The following SLC17A2 variants were observed in gnomAD, a reference collection of about 807,000 sequenced individuals.
The protein encoded by SLC17A2 is solute carrier family 17 member 2.
SLC17A2 carries 38 observed loss-of-function variants against 52.1 expected under a neutral mutation model. That is an observed-to-expected ratio of 0.73 (90% confidence interval 0.56 to 0.96). The LOEUF (loss-of-function observed/expected upper bound fraction) is 0.96. Ranked by LOEUF, SLC17A2 falls within the 40% of genes least tolerant of loss-of-function variation. SLC17A2 has a pLI of 0.00. For synonymous variants in SLC17A2, 226 were observed against 211.9 expected (o/e 1.07, Z -0.58); for missense variants, 508 against 583.9 (o/e 0.87, Z 1.34).
At chr6:25,918,710 T>A in intron 5 of SLC17A2, 137 bp from the exon 6 acceptor site, 1 of 606,662 alleles carries the variant, frequency 1.6e-6, no homozygotes, top group South Asian at 2.0e-5. Flanking sequence ...CTAAAATAGC[T>A]CACAGATTTT....
At chr6:25,915,470 G>A in intron 10 of SLC17A2, 29 bp downstream of exon 10, 1 of 1,540,644 alleles carries the variant, frequency 6.5e-7, no homozygotes, top group South Asian at 1.2e-5. Flanking sequence ...GGGGTCTGGA[G>A]GAGGGGAAAA....
intron 3 of SLC17A2, among the ~76,000 whole-genome samples, chr6:25,921,673 GA>G (rs1766565628): frequency 6.6e-6 from 1 of 152,162 alleles, no homozygotes; most frequent in Admixed American, 6.5e-5. Flanking sequence ...GTAAATGGAA[GA>G]AAACATTGAG....
chr6:25,915,995 C>G, intron 8 of SLC17A2, 127 bp from the exon 9 acceptor site: 1 of 746,438 alleles, frequency 1.3e-6, no homozygotes, highest in Non-Finnish European at 2.1e-6. Flanking sequence ...AATTAGCATC[C>G]TTTTTCACAC....
chr6:25,923,505 T>A (rs369760775), intron 3 of SLC17A2, among the ~76,000 whole-genome samples, 190 bp downstream of exon 3: 1 of 152,212 alleles, frequency 6.6e-6, no homozygotes, highest in African/African-American at 2.4e-5. Flanking sequence ...CCCCACCTTA[T>A]AATCATAATA....
chr6:25,926,016 T>G (rs74804634), intron 1 of SLC17A2, 137 bp from the exon 2 acceptor site: 1 of 602,968 alleles, frequency 1.7e-6, no homozygotes, highest in Non-Finnish European at 3.0e-6. Context: ...ACTGGTATGC[T>G]TTTGGTTACA....
rs1766278927 is a variant in SLC17A2, at chr6:25,915,580, A to C, written c.1130T>G (p.Ile377Ser). ...CCCAGGAATAAGTATCAGCAAAATA[A>C]TGGTTATCACGTAACTGGAGGCCAC... Reference protein sequence around the residue: ...PFVASSYVITIILLILIPGTS... With the variant: ...PFVASSYVITSILLILIPGTS... Residue 377 changes from isoleucine (I) to serine (S), a missense_variant, in exon 10 of 12, where the codon ATT becomes AGT. Transcript: ENST00000377850. The C allele has an allele frequency of 2.5e-6, 4 of 1,610,688 alleles. No individual in the cohort carries two copies. Among genetic ancestry groups the C allele is most frequent in the Non-Finnish European group, 2.5e-6 (3 of 1,178,378 alleles).
intron 1 of SLC17A2, among the ~76,000 whole-genome samples, chr6:25,927,799 C>G (rs1463042588): frequency 6.6e-6 from 1 of 152,142 alleles, no homozygotes; most frequent in Non-Finnish European, 1.5e-5. Flanking sequence ...AGCACCAGGA[C>G]AGATACTGGT....
At chr6:25,925,921 T>C in intron 1 of SLC17A2, 42 bp from the exon 2 acceptor site, 1 of 1,036,960 alleles carries the variant, frequency 9.6e-7, no homozygotes, top group Non-Finnish European at 1.5e-6. Context: ...CACAAATAAT[T>C]TCCCCTTGTT....
At chr6:25,917,780 T>C (rs1304774040) in intron 6 of SLC17A2, among the ~76,000 whole-genome samples, 1 of 152,218 alleles carries the variant, frequency 6.6e-6, no homozygotes, top group African/African-American at 2.4e-5. Context: ...TGAGGACTAG[T>C]TTTCTTTAAA....
Position 25,916,999 on chromosome 6 carries a change from C to T in SLC17A2, c.738G>A (p.Lys246=). 1 of 1,614,094 alleles carries T rather than the reference C, an allele frequency of 6.2e-7. No homozygotes were observed. Among genetic ancestry groups the T allele is most frequent in the East Asian group, 2.2e-5 (1 of 44,888 alleles). Residue 246 remains lysine (K), a synonymous_variant, in exon 7 of 12, where the codon AAG becomes AAA. Coordinates refer to ENST00000377850, the MANE Select transcript of SLC17A2 (RefSeq NM_001286123.3). ...GAGCCAGTGAGGACAGGATGTGCTCCTTTTCCCTAACACTTATGCACGGGT... is the reference window on the plus strand; with the variant it reads ...GAGCCAGTGAGGACAGGATGTGCTCTTTTTCCCTAACACTTATGCACGGGT... ...MHHPCISVRE[K]EHILSSLAQQ...
chr6:25,923,661 CT>C, intron 3 of SLC17A2, 33 bp downstream of exon 3: 1 of 1,552,484 alleles, frequency 6.4e-7, no homozygotes, highest in Non-Finnish European at 8.9e-7. Context: ...AGTTTTTTCT[CT>C]CAACAAAGAG....
intron 2 of SLC17A2, among the ~76,000 whole-genome samples, chr6:25,925,242 G>T (rs1259333200): frequency 1.3e-5 from 2 of 152,108 alleles, no homozygotes; most frequent in Non-Finnish European, 2.9e-5. Flanking sequence ...GGCCAGGCGT[G>T]GTGGCCCATG....
At position 25,921,360 on chromosome 6, in the gene SLC17A2, A is replaced by G. The variant is rs1404192469; in HGVS notation, c.293T>C (p.Ile98Thr). The change falls in exon 4 of 12, where the codon ATC (isoleucine) becomes ACC (threonine). Residue 98 changes from isoleucine to threonine, a missense_variant. Coordinates refer to ENST00000377850, the MANE Select transcript of SLC17A2 (RefSeq NM_001286123.3). ...PETQGIIFSS[I>T]NYGIILTLIP... is the part of the protein sequence containing the mutation. ...CAGAGTCAGTATTATCCCATAGTTGATGGAGCTAAAGATGATACCCTGAGT... is the reference window on the plus strand; with the variant it reads ...CAGAGTCAGTATTATCCCATAGTTGGTGGAGCTAAAGATGATACCCTGAGT... 5 of 1,614,198 alleles carry G rather than the reference A, an allele frequency of 3.1e-6. No homozygotes were observed. Among genetic ancestry groups the G allele is most frequent in the Admixed American group, 1.7e-5 (1 of 60,026 alleles).
chr6:25,920,383 G>C (rs75851425), intron 5 of SLC17A2, among the ~76,000 whole-genome samples: 1,691 of 152,292 alleles, frequency 0.011, 19 homozygotes, highest in Middle Eastern at 0.031. Context: ...GAGAATGTCT[G>C]CTCTGGGGCT....
intron 1 of SLC17A2, among the ~76,000 whole-genome samples, chr6:25,929,843 T>C (rs1363019292): frequency 6.6e-6 from 1 of 152,194 alleles, no homozygotes; most frequent in African/African-American, 2.4e-5. Context: ...CTCTGTCACC[T>C]AGGCTGGAGT....
At chr6:25,916,284 T>C (rs908318083) in intron 8 of SLC17A2, among the ~76,000 whole-genome samples, 4 of 152,160 alleles carry the variant, frequency 2.6e-5, no homozygotes, top group Admixed American at 6.6e-5. Flanking sequence ...TAGTAAACCA[T>C]ATTGGTCAGG....
intron 1 of SLC17A2, 90 bp from the exon 2 acceptor site, chr6:25,925,969 C>T: frequency 4.2e-6 from 3 of 707,686 alleles, no homozygotes; most frequent in Admixed American, 4.2e-5. Context: ...AAGTTTTGAC[C>T]CAACACAGCT....
In SLC17A2 at chr6:25,913,380, G is replaced by A; in HGVS notation, c.1374C>T (p.Tyr458=). 6.2e-7 allele frequency: 1 copy of A among 1,614,066 alleles called. No homozygotes were observed. Among genetic ancestry groups the A allele is most frequent in the East Asian group, 2.2e-5 (1 of 44,870 alleles). ...GAAGTTCTGCTTGTCCAAACGTGAG[G>A]TAAAAGACCAGGCCAAACATGTTGA... ...AAVNMFGLVF[Y]LTFGQAELQD... is the part of the protein sequence containing the mutation. Residue 458 remains tyrosine (Y), a synonymous_variant, in exon 12 of 12, where the codon TAC becomes TAT. Coordinates refer to ENST00000377850, the MANE Select transcript of SLC17A2 (RefSeq NM_001286123.3).
At position 25,915,629 on chromosome 6, in the gene SLC17A2, T is replaced by C. The variant is rs147954248; in HGVS notation, c.1081A>G (p.Ile361Val). 39 of 1,613,784 alleles carry C rather than the reference T, an allele frequency of 2.4e-5. No individual in the cohort carries two copies. Among genetic ancestry groups the C allele is most frequent in the African/African-American group, 2.0e-4 (15 of 74,996 alleles). ...ACAAAGGGCAGGGCCACAGCACATA[T>C]TGATGGAAGGAGGAGCCCTGGGCAA... ...FSSLGLLLPS[I>V]CAVALPFVAS... Residue 361 changes from isoleucine (I) to valine (V), a missense_variant, in exon 10 of 12, where the codon ATA becomes GTA. Physicochemically the swap from Ile to Val is conservative, Grantham distance 29. Coordinates refer to ENST00000377850, the MANE Select transcript of SLC17A2 (RefSeq NM_001286123.3).
Sources: allele counts gnomAD v4.1 joint callset (sites outside exome capture counted in the v4.1 genomes callset), GRCh38; gene constraint gnomAD v4.1.1; transcripts MANE v1.5; gene names NCBI Gene and HGNC (gene_info 2026-07-23, HGNC 2026-07-21).